Variants in PALD1 observed in about 807,000 individuals in gnomAD.
PALD1 encodes paladin.
PALD1 carries 57 observed loss-of-function variants against 96.0 expected under a neutral mutation model. The observed-to-expected ratio is 0.59, with a 90% CI of 0.48 to 0.74. The LOEUF is 0.74. PALD1 is among the 30% of genes least tolerant of loss of function. The probability of loss-of-function intolerance (pLI) is 0.00; values close to 1 mark genes in which losing one functional copy is unlikely to be tolerated. For synonymous variants in PALD1, 464 were observed against 473.6 expected, an observed-to-expected ratio of 0.98 and a Z score of 0.26; for missense variants, 1,063 against 1,143.7, an observed-to-expected ratio of 0.93 and a Z score of 1.02.
chr10:70,551,004 A>G (rs1847467682), intron 18 of PALD1, among the ~76,000 whole-genome samples: 1 of 152,106 alleles, frequency 6.6e-6, no homozygotes, highest in Admixed American at 6.5e-5. Context: ...GAATTGCTGG[A>G]TCATATGGTA....
chr10:70,521,015 G>A (rs1846723187), intron 1 of PALD1, among the ~76,000 whole-genome samples: 1 of 152,158 alleles, frequency 6.6e-6, no homozygotes, highest in South Asian at 2.1e-4. Flanking sequence ...ACTGCCATGA[G>A]AGGCAGGAGA....
intron 18 of PALD1, among the ~76,000 whole-genome samples, chr10:70,562,504 G>C (rs542336970): frequency 6.6e-6 from 1 of 152,322 alleles, no homozygotes; most frequent in South Asian, 2.1e-4. Context: ...CATGTAGGCT[G>C]ATGTTGTGTT....
the PALD1 span, among the ~76,000 whole-genome samples, chr10:70,467,040 T>A: frequency 6.6e-6 from 1 of 152,142 alleles, no homozygotes; most frequent in Non-Finnish European, 1.5e-5. Flanking sequence ...GGGTGACAAC[T>A]CCTGACGGGC....
intron 1 of PALD1, among the ~76,000 whole-genome samples, chr10:70,511,989 T>C (rs1236078743): frequency 6.6e-6 from 1 of 151,936 alleles, no homozygotes; most frequent in Non-Finnish European, 1.5e-5. Flanking sequence ...ATCGCGCCAT[T>C]GCACTCCAGC....
chr10:70,496,257 T>C (rs1303364495), intron 1 of PALD1, among the ~76,000 whole-genome samples: 1 of 152,120 alleles, frequency 6.6e-6, no homozygotes, highest in Non-Finnish European at 1.5e-5. Flanking sequence ...TTATTAGCTA[T>C]TTCTGTTTTA....
At chr10:70,562,366 C>T (rs1011990057) in intron 18 of PALD1, among the ~76,000 whole-genome samples, 1 of 152,170 alleles carries the variant, frequency 6.6e-6, no homozygotes, top group Non-Finnish European at 1.5e-5. Context: ...CAGCAAAGGC[C>T]GTGGAGGTAG....
intron 18 of PALD1, among the ~76,000 whole-genome samples, chr10:70,548,160 C>A (rs952301988): frequency 1.3e-5 from 2 of 152,014 alleles, no homozygotes; most frequent in African/African-American, 4.8e-5. Flanking sequence ...CAAAAATTAG[C>A]CGGGCATGGT....
upstream of PALD1, among the ~76,000 whole-genome samples, chr10:70,473,898 C>T (rs528370787): frequency 6.6e-6 from 1 of 151,288 alleles, no homozygotes; most frequent in Non-Finnish European, 1.5e-5. Flanking sequence ...TCCACCCCCC[C>T]CCCCTCAGCC....
upstream of PALD1, among the ~76,000 whole-genome samples, chr10:70,475,374 G>C (rs1845810686): frequency 6.6e-6 from 1 of 152,172 alleles, no homozygotes; most frequent in Non-Finnish European, 1.5e-5. Context: ...TCACGGATGA[G>C]TTTGCCTGAG....
chr10:70,556,778 G>T (rs1226657366), intron 18 of PALD1, among the ~76,000 whole-genome samples: 1 of 152,192 alleles, frequency 6.6e-6, no homozygotes, highest in Non-Finnish European at 1.5e-5. Flanking sequence ...GGCTTGAGGG[G>T]ATTAATCTCA....
At chr10:70,486,063 A>T (rs1415832758) in intron 1 of PALD1, 2 of 225,844 alleles carry the variant, frequency 8.9e-6, no homozygotes, top group East Asian at 2.2e-4. Flanking sequence ...CCAGCAAGTT[A>T]TGCCGATTGT....
chr10:70,492,303 G>A (rs1348174935), intron 1 of PALD1, among the ~76,000 whole-genome samples: 1 of 152,144 alleles, frequency 6.6e-6, no homozygotes, highest in African/African-American at 2.4e-5. Flanking sequence ...GGGTTTATCT[G>A]CGTATAACTC....
intron 1 of PALD1, among the ~76,000 whole-genome samples, chr10:70,513,882 G>T (rs1564692217): frequency 6.6e-6 from 1 of 152,162 alleles, no homozygotes; most frequent in Admixed American, 6.5e-5. Context: ...CTGCAGGCCC[G>T]TGATGGCTGG....
the PALD1 span, among the ~76,000 whole-genome samples, chr10:70,464,940 T>TGTAC: frequency 1.3e-5 from 1 of 76,904 alleles, no homozygotes; most frequent in South Asian, 4.6e-4. Flanking sequence ...TATGTACACT[T>TGTAC]GTATGTATGT....
At chr10:70,551,301 A>T (rs1847472689) in intron 18 of PALD1, among the ~76,000 whole-genome samples, 1 of 131,220 alleles carries the variant, frequency 7.6e-6, no homozygotes, top group South Asian at 2.6e-4. Flanking sequence ...CTGGTTTCAA[A>T]CCAGAAGTCC....
At chr10:70,510,648 C>T (rs1846494574) in intron 1 of PALD1, among the ~76,000 whole-genome samples, 1 of 152,206 alleles carries the variant, frequency 6.6e-6, no homozygotes, top group African/African-American at 2.4e-5. Context: ...GGCAGGGTCC[C>T]TCCCATCCAG....
At chr10:70,481,354 T>C (rs1845929064) in intron 1 of PALD1, among the ~76,000 whole-genome samples, 1 of 152,196 alleles carries the variant, frequency 6.6e-6, no homozygotes, top group African/African-American at 2.4e-5. Context: ...GAAGTTGTCC[T>C]GTTTGGGGTG....
chr10:70,468,277 CTT>C, the PALD1 span, among the ~76,000 whole-genome samples: 1 of 152,004 alleles, frequency 6.6e-6, no homozygotes, highest in Non-Finnish European at 1.5e-5. Context: ...TAGTTTTGCT[CTT>C]GTCACCCAGG....
rs756182777 is a variant in PALD1, at chr10:70,526,029, G to C, written c.78G>C (p.Thr26=). The C allele has an allele frequency of 1.9e-6, 3 of 1,614,170 alleles. No individual in the cohort carries two copies. Among genetic ancestry groups the C allele is most frequent in the Middle Eastern group, 1.6e-4 (1 of 6,062 alleles). Reference sequence around the variant, plus strand: ...TTGAGGGCCTACAGGGCAGTGGCACGATGGACAGTCGGCACTCCGTCAGCA... The same window carrying C: ...TTGAGGGCCTACAGGGCAGTGGCACCATGGACAGTCGGCACTCCGTCAGCA... ...TPFEGLQGSG[T]MDSRHSVSIH... The change falls in exon 2 of 20, where the codon ACG becomes ACC. Residue 26 remains threonine, a synonymous_variant. Transcript: ENST00000263563.
Sources: allele counts gnomAD v4.1 joint callset (sites outside exome capture counted in the v4.1 genomes callset), GRCh38; gene constraint gnomAD v4.1.1; transcripts MANE v1.5; gene names NCBI Gene and HGNC (gene_info 2026-07-23, HGNC 2026-07-21).